Variants in SLC26A7 observed in about 807,000 individuals in gnomAD.
SLC26A7 encodes anion exchange transporter.
SLC26A7 carries 59 observed loss-of-function variants against 82.5 expected under a neutral mutation model. The ratio of observed to expected loss-of-function variants is 0.72; its 90% confidence interval spans 0.58 to 0.89. SLC26A7 has a LOEUF of 0.89. SLC26A7 is among the 40% of genes least tolerant of loss of function. The pLI, the probability that SLC26A7 is intolerant of heterozygous loss-of-function variation, is 0.00. For synonymous variants in SLC26A7, 271 were observed against 274.3 expected (o/e 0.99, Z 0.12); for missense variants, 820 against 793.0 (o/e 1.03, Z -0.41).
At chr8:91,239,406 ATATATGTATATG>A (rs1250974493) in intron 2 of SLC26A7, among the ~76,000 whole-genome samples, 8 of 101,918 alleles carry the variant, frequency 7.8e-5, no homozygotes, top group Non-Finnish European at 1.7e-4. Context: ...ATATATATAT[ATATATGTATATG>A]TATATATATG....
chr8:91,306,595 C>T (rs1419812799), intron 4 of SLC26A7, among the ~76,000 whole-genome samples: 1 of 152,036 alleles, frequency 6.6e-6, no homozygotes, highest in Non-Finnish European at 1.5e-5. Context: ...GACATATAAC[C>T]CACACAGTTT....
At position 91,303,781 on chromosome 8, in the gene SLC26A7, A is replaced by G. The variant is rs1812230979; in HGVS notation, c.477+8078A>G. ...AGAGGATCAGGAGTATAGAAGGGAC[A>G]CAAGATATAAAACTAGTTTATACTG... On this transcript the variant is annotated intron_variant, in intron 4 of 18. Coordinates refer to ENST00000276609, the MANE Select transcript of SLC26A7 (RefSeq NM_052832.4). Among the ~76,000 whole-genome samples, 4 of 152,236 alleles carry G rather than the reference A, an allele frequency of 2.6e-5. No homozygotes were observed. In the South Asian group the frequency reaches 8.3e-4, roughly 31 times the overall value.
chr8:91,285,180 T>G (rs1563659862), intron 2 of SLC26A7, among the ~76,000 whole-genome samples: 1 of 152,276 alleles, frequency 6.6e-6, no homozygotes, highest in Non-Finnish European at 1.5e-5. Context: ...CACTTCAATC[T>G]TCACATGATG....
chr8:91,310,154 C>A (rs573994171), intron 4 of SLC26A7, among the ~76,000 whole-genome samples: 1 of 152,080 alleles, frequency 6.6e-6, no homozygotes, highest in Non-Finnish European at 1.5e-5. Context: ...ACTTGATGGT[C>A]GCCTGACATT....
At chr8:91,285,159 T>C (rs114804289) in intron 2 of SLC26A7, among the ~76,000 whole-genome samples, 1,578 of 152,366 alleles carry the variant, frequency 0.01, 18 homozygotes, top group African/African-American at 0.036. Context: ...TTCTTTTGCA[T>C]CTGGAAACAG....
intron 5 of SLC26A7, among the ~76,000 whole-genome samples, chr8:91,327,846 G>A (rs930371655): frequency 6.6e-6 from 1 of 152,022 alleles, no homozygotes; most frequent in African/African-American, 2.4e-5. Context: ...GTTATGTGTT[G>A]TTTTTAGTGT....
chr8:91,337,663 G>C (rs969252283), intron 6 of SLC26A7, among the ~76,000 whole-genome samples: 60 of 152,154 alleles, frequency 3.9e-4, no homozygotes, highest in African/African-American at 1.4e-3. Flanking sequence ...CTAAAAATTT[G>C]AAAATATTCA....
At chr8:91,309,530 A>G (rs898834819) in intron 4 of SLC26A7, among the ~76,000 whole-genome samples, 6 of 152,040 alleles carry the variant, frequency 3.9e-5, no homozygotes, top group African/African-American at 1.4e-4. Flanking sequence ...TACATATTGC[A>G]ATTCCAGTAT....
intron 4 of SLC26A7, among the ~76,000 whole-genome samples, chr8:91,310,702 CA>C (rs1812457025): frequency 6.6e-6 from 1 of 152,224 alleles, no homozygotes; most frequent in South Asian, 2.1e-4. Context: ...CTCAAGTGAG[CA>C]TGCATATGAC....
At chr8:91,323,614 A>C (rs1027282471) in intron 5 of SLC26A7, among the ~76,000 whole-genome samples, 1 of 152,094 alleles carries the variant, frequency 6.6e-6, no homozygotes, top group African/African-American at 2.4e-5. Flanking sequence ...TTGTTCTGAG[A>C]CTTATTTTAT....
intron 15 of SLC26A7, among the ~76,000 whole-genome samples, chr8:91,388,259 C>A (rs1322803590): frequency 6.6e-6 from 1 of 150,534 alleles, no homozygotes; most frequent in African/African-American, 2.5e-5. Context: ...GCCTCCCGAG[C>A]GGGATTTTTT....
chr8:91,284,552 C>T (rs1236628829), intron 2 of SLC26A7, among the ~76,000 whole-genome samples: 1 of 152,094 alleles, frequency 6.6e-6, no homozygotes. Flanking sequence ...GAACAGGCTT[C>T]GTCTCCTAAA....
intron 5 of SLC26A7, among the ~76,000 whole-genome samples, chr8:91,324,967 A>G (rs1171740810): frequency 6.6e-6 from 1 of 152,228 alleles, no homozygotes; most frequent in Non-Finnish European, 1.5e-5. Context: ...TTGGAAAGAC[A>G]GAATGGGTTT....
chr8:91,313,084 G>T (rs1812534840), intron 4 of SLC26A7, among the ~76,000 whole-genome samples: 1 of 152,004 alleles, frequency 6.6e-6, no homozygotes, highest in Non-Finnish European at 1.5e-5. Context: ...TGATGCTTTT[G>T]CTCCATGTTT....
chr8:91,365,657 C>G (rs529979364), intron 13 of SLC26A7, among the ~76,000 whole-genome samples: 39 of 152,138 alleles, frequency 2.6e-4, no homozygotes, highest in Non-Finnish European at 4.3e-4. Flanking sequence ...TTGAGATTTT[C>G]TAGTTTAAAC....
At chr8:91,372,172 A>G (rs1814383533) in intron 15 of SLC26A7, among the ~76,000 whole-genome samples, 1 of 151,746 alleles carries the variant, frequency 6.6e-6, no homozygotes. Context: ...ATCTTTTCCC[A>G]TTCTCTAGGT....
chr8:91,211,125 T>G (rs984415545), intron 1 of SLC26A7, among the ~76,000 whole-genome samples: 1 of 152,078 alleles, frequency 6.6e-6, no homozygotes, highest in South Asian at 2.1e-4. Flanking sequence ...TAACTCAAAA[T>G]GTAGACTTAT....
intron 2 of SLC26A7, among the ~76,000 whole-genome samples, chr8:91,280,429 C>T (rs1198200648): frequency 6.6e-6 from 1 of 152,238 alleles, no homozygotes; most frequent in Non-Finnish European, 1.5e-5. Flanking sequence ...CCAAGCCTTT[C>T]TCTCCTCTTC....
intron 11 of SLC26A7, 122 bp downstream of exon 11, chr8:91,353,118 A>G: frequency 1.9e-6 from 1 of 539,712 alleles, no homozygotes; most frequent in Non-Finnish European, 3.0e-6. Flanking sequence ...CACTTTACAA[A>G]CTACCATTTT....
Sources: allele counts gnomAD v4.1 joint callset (sites outside exome capture counted in the v4.1 genomes callset), GRCh38; gene constraint gnomAD v4.1.1; transcripts MANE v1.5; gene names NCBI Gene and HGNC (gene_info 2026-07-23, HGNC 2026-07-21).